ARHGAP20: variants seen among roughly 807,000 people sequenced by gnomAD.
The protein encoded by ARHGAP20 is rho GTPase-activating protein 20.
A neutral mutation model predicts 73.7 loss-of-function variants in ARHGAP20; 34 were observed. The observed-to-expected ratio is 0.46, with a 90% CI of 0.35 to 0.61. The LOEUF is 0.61. Among genes scored for constraint, ARHGAP20 ranks in the 20% least tolerant of loss-of-function variants. The pLI, the probability that ARHGAP20 is intolerant of heterozygous loss-of-function variation, is 0.00. For synonymous variants in ARHGAP20, 523 were observed against 518.2 expected (o/e 1.01, Z -0.13); for missense variants, 1,314 against 1,420.9 (o/e 0.92, Z 1.21).
At position 110,580,491 on chromosome 11, in the gene ARHGAP20, G is replaced by C; in HGVS notation, c.2455C>G (p.Pro819Ala). 4.3e-6 allele frequency: 7 copies of C among 1,614,110 alleles called. No individual in the cohort carries two copies. Among genetic ancestry groups the C allele is most frequent in the South Asian group, 1.1e-5 (1 of 91,080 alleles). The change falls in exon 15 of 15, where the codon CCC becomes GCC. Residue 819 changes from proline (P) to alanine (A), a missense_variant. Pro to Ala is a conservative substitution (Grantham distance 27). Coordinates refer to ENST00000683387, the MANE Select transcript of ARHGAP20 (RefSeq NM_001384657.1). The stretch of plus-strand genomic sequence containing the variant: ...TATCCAGATGTATTCACATCAAAGG[G>C]CTGGTTCTTGGAATGATCCTGTGAG... ...MSSQDHSKNQ[P>A]FDVNTSGYSP...
intron 1 of ARHGAP20, among the ~76,000 whole-genome samples, chr11:110,706,969 G>A (rs1230359451): frequency 6.6e-6 from 1 of 152,050 alleles, no homozygotes; most frequent in Non-Finnish European, 1.5e-5. Flanking sequence ...TACTCACTAA[G>A]ATGTTTAATT....
chr11:110,582,400 G>T lies in ARHGAP20; in HGVS notation c.1641C>A (p.Cys547Ter). The change falls in exon 14 of 15, where the codon TGC becomes TGA. Residue 547 changes from cysteine to a stop codon, truncating the protein, a stop_gained. Coordinates refer to ENST00000683387, the MANE Select transcript of ARHGAP20 (RefSeq NM_001384657.1). LOFTEE classifies it high-confidence loss of function. ...SLLIQFLIEN[C>*]LRIFGEEITS... ...TGATTTCTTCTCCAAATATCCTAAG[G>T]CAATTCTCAATCAGAAATTGTATAA... The T allele has an allele frequency of 6.2e-7, 1 of 1,613,606 alleles. No individual in the cohort carries two copies. Among genetic ancestry groups the T allele is most frequent in the Non-Finnish European group, 8.5e-7 (1 of 1,179,626 alleles).
intron 9 of ARHGAP20, among the ~76,000 whole-genome samples, chr11:110,593,121 G>C (rs918671233): frequency 6.6e-5 from 10 of 152,202 alleles, no homozygotes; most frequent in Admixed American, 6.5e-4. Context: ...TAGAGCATCT[G>C]GCATAGTGCC....
intron 2 of ARHGAP20, among the ~76,000 whole-genome samples, chr11:110,655,503 G>A (rs185960977): frequency 6.6e-6 from 1 of 152,246 alleles, no homozygotes; most frequent in East Asian, 1.9e-4. Context: ...TGTCTGTCTT[G>A]TTTACTGCTG....
intron 1 of ARHGAP20, chr11:110,691,101 A>T: frequency 3.3e-6 from 3 of 917,498 alleles, no homozygotes; most frequent in Non-Finnish European, 4.6e-6. Flanking sequence ...CAGAGACTAG[A>T]TTTTTGCATA....
intron 9 of ARHGAP20, among the ~76,000 whole-genome samples, chr11:110,597,237 T>A (rs1327542348): frequency 2.0e-5 from 3 of 150,756 alleles, no homozygotes; most frequent in South Asian, 2.1e-4. Context: ...CGTGTATACA[T>A]ATGTAACAAG....
Position 110,578,876 on chromosome 11 carries a change from T to C in ARHGAP20, c.*494A>G, listed in dbSNP as rs1591287207. On this transcript the variant is annotated 3_prime_UTR_variant, in exon 15 of 15. Coordinates refer to ENST00000683387, the MANE Select transcript of ARHGAP20 (RefSeq NM_001384657.1). The stretch of plus-strand genomic sequence containing the variant: ...CTGGCTTAGATTTAGGGAAAGATTT[T>C]ATATGATGTTCTTCATTACTGGACA... The C allele has an allele frequency of 1.0e-6, 1 of 985,822 alleles. No homozygotes were observed. The highest frequency in any genetic ancestry group is 1.2e-6 in the Non-Finnish European group (1 of 830,112). 61.1% of individuals were successfully genotyped at this position (985,822 alleles called of 1,614,324 possible). A position where few individuals can be genotyped will look rare whatever the true frequency, so the allele number is the denominator to read the frequency against.
chr11:110,594,538 C>CAG (rs1357599196), intron 9 of ARHGAP20, among the ~76,000 whole-genome samples: 4 of 152,152 alleles, frequency 2.6e-5, no homozygotes, highest in Non-Finnish European at 2.9e-5. Context: ...TCACAGCCTT[C>CAG]AGCAGGTATC....
rs543947064 is a variant in ARHGAP20, at chr11:110,609,152, C to G, written c.709-102G>C. The G allele has an allele frequency of 1.1e-4, 102 of 943,378 alleles. No individual in the cohort carries two copies. In the African/African-American group the frequency reaches 1.5e-3, roughly 14 times the overall value. The allele number at this position is 943,378 out of a possible 1,614,324, so 58.4% of individuals were successfully genotyped here. A position where few individuals can be genotyped will look rare whatever the true frequency, so the allele number is the denominator to read the frequency against. ...TGGTTATGTGTCCTCCCTCCTGCCC[C>G]CTACCCAGTGATAGTTAGAGATCCA... On this transcript the variant is annotated intron_variant, in intron 7 of 14. Transcript: ENST00000683387.
chr11:110,605,071 G>C (rs1183375309), intron 9 of ARHGAP20, among the ~76,000 whole-genome samples: 1 of 152,154 alleles, frequency 6.6e-6, no homozygotes, highest in Non-Finnish European at 1.5e-5. Context: ...TGAGATTTTA[G>C]GAGATGTATA....
chr11:110,609,234 A>C (rs1246559221), intron 7 of ARHGAP20, among the ~76,000 whole-genome samples, 184 bp from the exon 8 acceptor site: 1 of 152,028 alleles, frequency 6.6e-6, no homozygotes, highest in Non-Finnish European at 1.5e-5. Context: ...GTGTAAAATC[A>C]TAGCTGGGCC....
At chr11:110,582,127 T>C (rs1947488526) in intron 14 of ARHGAP20, among the ~76,000 whole-genome samples, 194 bp downstream of exon 14, 1 of 152,188 alleles carries the variant, frequency 6.6e-6, no homozygotes. Context: ...TTAATCCCAC[T>C]ACACTGTTAA....
At chr11:110,685,754 T>C (rs1326942745) in intron 2 of ARHGAP20, among the ~76,000 whole-genome samples, 2 of 152,142 alleles carry the variant, frequency 1.3e-5, no homozygotes, top group Non-Finnish European at 2.9e-5. Flanking sequence ...GGGACAATAG[T>C]AAAAGTAGTA....
intron 2 of ARHGAP20, among the ~76,000 whole-genome samples, chr11:110,653,656 C>G (rs1414465501): frequency 6.6e-6 from 1 of 152,178 alleles, no homozygotes; most frequent in African/African-American, 2.4e-5. Flanking sequence ...TTGCGGAAGA[C>G]AGTGTGGCAA....
chr11:110,614,108 C>T (rs1018968295), intron 6 of ARHGAP20, among the ~76,000 whole-genome samples: 2 of 152,118 alleles, frequency 1.3e-5, no homozygotes, highest in Non-Finnish European at 1.5e-5. Context: ...TCCCTAAAAA[C>T]TTAAAGAATG....
At chr11:110,672,027 CA>C (rs1418318601) in intron 2 of ARHGAP20, among the ~76,000 whole-genome samples, 2 of 152,050 alleles carry the variant, frequency 1.3e-5, no homozygotes, top group Non-Finnish European at 2.9e-5. Context: ...ATACCATAGA[CA>C]AAATTAATCA....
At chr11:110,599,192 C>T (rs1948048994) in intron 9 of ARHGAP20, among the ~76,000 whole-genome samples, 1 of 152,206 alleles carries the variant, frequency 6.6e-6, no homozygotes, top group South Asian at 2.1e-4. Flanking sequence ...ATAGACATTT[C>T]TGTACTCTTG....
chr11:110,684,157 A>G (rs1489626143), intron 2 of ARHGAP20, among the ~76,000 whole-genome samples: 1 of 151,910 alleles, frequency 6.6e-6, no homozygotes, highest in Non-Finnish European at 1.5e-5. Context: ...GATGTTATTT[A>G]TGAAGAGTTA....
chr11:110,614,539 T>C, intron 6 of ARHGAP20, 22 bp downstream of exon 6: 1 of 1,595,548 alleles, frequency 6.3e-7, no homozygotes, highest in Non-Finnish European at 8.6e-7. Context: ...GGAATTTAAT[T>C]TTCTGGCTTA....
Sources: gnomAD v4.1 joint callset for allele counts (sites outside exome capture counted in the v4.1 genomes callset) on GRCh38, gnomAD v4.1.1 for gene constraint, MANE v1.5 for transcripts, NCBI Gene and HGNC (gene_info 2026-07-23, HGNC 2026-07-21) for gene names.